Variants in ZNF366 observed in about 807,000 individuals in gnomAD.
The protein encoded by ZNF366 is zinc finger protein 366, also known as dendritic cell-specific transcript protein.
Under a neutral mutation model 47.2 loss-of-function variants are expected in ZNF366, and 20 were observed. The observed-to-expected ratio is 0.42, with a 90% CI of 0.30 to 0.62. The LOEUF is 0.62. Ranked by LOEUF, ZNF366 falls within the 20% of genes least tolerant of loss-of-function variation. ZNF366 has a pLI of 0.16. For missense variants in ZNF366, 987 were observed against 976.3 expected (o/e 1.01, Z -0.15); for synonymous variants, 421 against 395.1 (o/e 1.07, Z -0.78).
intron 1 of ZNF366, among the ~76,000 whole-genome samples, chr5:72,484,207 G>A (rs1407707284): frequency 2.3e-4 from 35 of 152,146 alleles, no homozygotes; most frequent in East Asian, 9.7e-4. Context: ...ATTAATCGCC[G>A]GGCGCGGTGG....
intron 1 of ZNF366, among the ~76,000 whole-genome samples, chr5:72,506,259 G>A (rs1249200318): frequency 6.6e-6 from 1 of 152,162 alleles, no homozygotes; most frequent in Non-Finnish European, 1.5e-5. Context: ...TTAATATTGG[G>A]AAACATAACG....
chr5:72,505,467 G>A (rs182166215), intron 1 of ZNF366, among the ~76,000 whole-genome samples: 1 of 152,200 alleles, frequency 6.6e-6, no homozygotes, highest in African/African-American at 2.4e-5. Context: ...CATGCTAGCA[G>A]TGGGGCTGTT....
chr5:72,443,687 G>A lies in ZNF366; in HGVS notation c.*69C>T. On this transcript the variant is annotated 3_prime_UTR_variant, in exon 5 of 5. Transcript: ENST00000318442. The stretch of plus-strand genomic sequence containing the variant: ...ATTCGCCAGTCTCCAGAAAATGACA[G>A]TTCATGCAGAAAGCTATATTTGAAC... The A allele has an allele frequency of 6.7e-7, 1 of 1,490,880 alleles. No individual in the cohort carries two copies. Among genetic ancestry groups the A allele is most frequent in the South Asian group, 1.3e-5 (1 of 75,762 alleles). The allele number at this position is 1,490,880 out of a possible 1,614,324, so 92.4% of individuals were successfully genotyped here.
intron 1 of ZNF366, among the ~76,000 whole-genome samples, chr5:72,476,821 C>G (rs961774963): frequency 6.6e-6 from 1 of 152,166 alleles, no homozygotes; most frequent in African/African-American, 2.4e-5. Flanking sequence ...GTTGGAGATA[C>G]GGCTACCACC....
At position 72,444,056 on chromosome 5, in the gene ZNF366, G is replaced by C; in HGVS notation, c.1935C>G (p.Pro645=). Residue 645 remains proline (P), a synonymous_variant, in exon 5 of 5, where the codon CCC becomes CCG. Transcript: ENST00000318442. The stretch of plus-strand genomic sequence containing the variant: ...GCTCCGACTTGGTGGACAGATCCTC[G>C]GGTGTGCAGAGCTGCTGGCTCTGGG... ...LAPQSQQLCT[P]EDLSTKSEHA... 1 of 1,614,190 alleles carries C rather than the reference G, an allele frequency of 6.2e-7. No individual in the cohort carries two copies. Among genetic ancestry groups the C allele is most frequent in the Non-Finnish European group, 8.5e-7 (1 of 1,180,028 alleles).
chr5:72,507,131 C>T, intron 1 of ZNF366, 120 bp downstream of exon 1: 1 of 737,332 alleles, frequency 1.4e-6, no homozygotes, highest in Non-Finnish European at 1.7e-6. Flanking sequence ...GGCCATCTAT[C>T]ACTTATACCC....
At chr5:72,487,578 G>T (rs1040952706) in intron 1 of ZNF366, among the ~76,000 whole-genome samples, 3 of 151,810 alleles carry the variant, frequency 2.0e-5, no homozygotes, top group African/African-American at 7.3e-5. Flanking sequence ...TACCCTCTTT[G>T]GCTTCTGGGA....
chr5:72,461,090 A>C lies in ZNF366; in HGVS notation c.407T>G (p.Phe136Cys), dbSNP rs758837935. 21 of 1,613,960 alleles carry C rather than the reference A, an allele frequency of 1.3e-5. No individual in the cohort carries two copies. Among genetic ancestry groups the C allele is most frequent in the Non-Finnish European group, 1.6e-5 (19 of 1,179,998 alleles). The change falls in exon 2 of 5, where the codon TTC becomes TGC. Residue 136 changes from phenylalanine (F) to cysteine (C), a missense_variant. Physicochemically the swap from Phe to Cys is radical, Grantham distance 205 (BLOSUM62 -2). Coordinates refer to ENST00000318442, the MANE Select transcript of ZNF366 (RefSeq NM_152625.3). ...GTGTTCCAGGCTGCGGTAGAATTGG[A>C]AGCCCACGTTGCACAGGTCGATCAT... Reference protein sequence around the residue: ...SQMIDLCNVGFQFYRSLEHFG... With the variant: ...SQMIDLCNVGCQFYRSLEHFG...
intron 1 of ZNF366, among the ~76,000 whole-genome samples, chr5:72,465,094 T>G (rs762618109): frequency 8.6e-5 from 13 of 152,040 alleles, no homozygotes; most frequent in Non-Finnish European, 1.6e-4. Context: ...GTAGGATCTA[T>G]CCAGGGAAAT....
chr5:72,476,773 A>T (rs1446808865), intron 1 of ZNF366, among the ~76,000 whole-genome samples: 1 of 152,142 alleles, frequency 6.6e-6, no homozygotes, highest in African/African-American at 2.4e-5. Context: ...TCTCCATCCC[A>T]CATCAAGACC....
intron 1 of ZNF366, among the ~76,000 whole-genome samples, chr5:72,485,171 A>AT (rs34733747): frequency 1.3e-5 from 2 of 152,158 alleles, no homozygotes; most frequent in African/African-American, 4.8e-5. Flanking sequence ...CGGAAAAAAT[A>AT]TTTTTCAACA....
chr5:72,461,022 C>T lies in ZNF366; in HGVS notation c.475G>A (p.Ala159Thr), dbSNP rs534865521. 3 of 1,614,038 alleles carry T rather than the reference C, an allele frequency of 1.9e-6. No homozygotes were observed. The highest frequency in any genetic ancestry group is 1.3e-5 in the African/African-American group (1 of 75,016). The part of the protein sequence containing the change: ...PVKQEPIKPS[A>T]VWPQPTPTPF... ...GTGGGCGTTGGCTGGGGCCACACGG[C>T]GCTGGGCTTAATGGGTTCCTGCTTG... The change falls in exon 2 of 5, where the codon GCC (alanine) becomes ACC (threonine). Residue 159 changes from alanine (A) to threonine (T), a missense_variant. Physicochemically the swap from Ala to Thr is moderately conservative, Grantham distance 58. Around this residue, in one of 3 missense-constraint regions of ZNF366, gnomAD observed 591 missense variants for 560.9 expected, o/e 1.05. Transcript: ENST00000318442.
At position 72,501,250 on chromosome 5, in the gene ZNF366, G is replaced by A. The variant is rs796523701; in HGVS notation, c.-15+6001C>T. On this transcript the variant is annotated intron_variant, in intron 1 of 4. Coordinates refer to ENST00000318442, the MANE Select transcript of ZNF366 (RefSeq NM_152625.3). Reference sequence around the variant, plus strand: ...AGTATCAGTGGCCATCAAAGAATGAGGTCAGAGTGGGGCCATAATCTATCA... The same window carrying A: ...AGTATCAGTGGCCATCAAAGAATGAAGTCAGAGTGGGGCCATAATCTATCA... Among the ~76,000 whole-genome samples the A allele has an allele frequency of 2.0e-5, 3 of 152,138 alleles. No homozygotes were observed. The South Asian group carries it at 6.2e-4, about 32-fold the overall frequency.
intron 2 of ZNF366, among the ~76,000 whole-genome samples, chr5:72,457,105 A>T (rs1462598186): frequency 6.6e-6 from 1 of 152,220 alleles, no homozygotes; most frequent in Non-Finnish European, 1.5e-5. Flanking sequence ...TTAAATTACA[A>T]CTTGATAATC....
chr5:72,456,324 A>G (rs1325844955), intron 3 of ZNF366, 80 bp downstream of exon 3: 1 of 1,473,332 alleles, frequency 6.8e-7, no homozygotes, highest in African/African-American at 1.4e-5. Context: ...CTGATGAAAC[A>G]GAGTAGAAGG....
chr5:72,452,631 C>T (rs145189970), intron 3 of ZNF366, among the ~76,000 whole-genome samples: 166 of 152,368 alleles, frequency 1.1e-3, no homozygotes, highest in African/African-American at 3.8e-3. Flanking sequence ...AGGGAGATCT[C>T]ATCCCTATTC....
At chr5:72,485,737 G>T (rs576232078) in intron 1 of ZNF366, among the ~76,000 whole-genome samples, 1 of 152,196 alleles carries the variant, frequency 6.6e-6, no homozygotes, top group Non-Finnish European at 1.5e-5. Context: ...AAAAGCCACA[G>T]TCCGCGCCGT....
At chr5:72,507,103 G>C (rs567080777) in intron 1 of ZNF366, 148 bp downstream of exon 1, 24 of 462,332 alleles carry the variant, frequency 5.2e-5, no homozygotes, top group African/African-American at 1.3e-4. Context: ...CCAAAAAAAA[G>C]TATTAGCTGA....
intron 1 of ZNF366, among the ~76,000 whole-genome samples, chr5:72,486,192 G>C (rs1180316824): frequency 6.6e-6 from 1 of 152,206 alleles, no homozygotes; most frequent in African/African-American, 2.4e-5. Context: ...TGTTTCGTGA[G>C]AGGTTGTTGC....
Sources: allele counts gnomAD v4.1 joint callset (sites outside exome capture counted in the v4.1 genomes callset), GRCh38; gene constraint gnomAD v4.1.1; regional missense constraint gnomAD v4.1.1; transcripts MANE v1.5; gene names NCBI Gene and HGNC (gene_info 2026-07-23, HGNC 2026-07-21).